Variants in ADORA2A observed in about 807,000 individuals in gnomAD.
ADORA2A encodes the protein adenosine A2a receptor.
A neutral mutation model predicts 18.4 loss-of-function variants in ADORA2A; 11 were observed. The observed-to-expected ratio is 0.60, with a 90% CI of 0.38 to 0.99. ADORA2A has a LOEUF of 0.99. ADORA2A is among the 50% of genes least tolerant of loss of function. ADORA2A has a pLI of 0.01. For synonymous variants in ADORA2A, 218 were observed against 237.3 expected, an observed-to-expected ratio of 0.92 and a Z score of 0.75; for missense variants, 449 against 556.1, an observed-to-expected ratio of 0.81 and a Z score of 1.94.
At chr22:24,435,720 G>A (rs550134996) in intron 2 of ADORA2A, among the ~76,000 whole-genome samples, 5 of 152,266 alleles carry the variant, frequency 3.3e-5, no homozygotes, top group South Asian at 2.1e-4. Context: ...GGTTGGAGGC[G>A]TGGGGAGGGT....
intron 2 of ADORA2A, among the ~76,000 whole-genome samples, chr22:24,439,071 C>CTTTT (rs868563988): frequency 6.4e-5 from 5 of 77,904 alleles, no homozygotes; most frequent in Admixed American, 3.0e-4. Flanking sequence ...TCCCCTTGCA[C>CTTTT]CTTTTTTTTT....
At chr22:24,429,543 C>T (rs2298383) in intron 1 of ADORA2A, 72,688 of 152,240 alleles carry the variant, frequency 0.48, 18,830 homozygotes, top group Non-Finnish European at 0.58. Flanking sequence ...GCCCCCTCCC[C>T]GGGGCCTCTG....
At position 24,429,958 on chromosome 22, in the gene ADORA2A, AGG is replaced by A. The variant is rs1308877224; in HGVS notation, c.-275+2215_-275+2216del. The A allele has an allele frequency of 2.6e-5, 4 of 152,310 alleles. No individual in the cohort carries two copies. The East Asian group carries it at 7.7e-4, about 29-fold the overall frequency. 9.4% of individuals were successfully genotyped at this position (152,310 alleles called of 1,614,324 possible). ...CATTAGTAGCTTGAAACTGGGCACA[AGG>A]GGAGAATTTACACCACAGAAATCAG... On this transcript the variant is annotated intron_variant, in intron 1 of 2. Transcript: ENST00000337539.
upstream of ADORA2A, among the ~76,000 whole-genome samples, chr22:24,427,143 G>A (rs1045931209): frequency 6.6e-6 from 1 of 152,162 alleles, no homozygotes; most frequent in East Asian, 1.9e-4. Flanking sequence ...CAGAGGCCCC[G>A]GGCTGGTCTG....
chr22:24,431,876 GAGCCAT>G (rs1306108162), intron 1 of ADORA2A, among the ~76,000 whole-genome samples: 3 of 152,176 alleles, frequency 2.0e-5, no homozygotes, highest in Non-Finnish European at 2.9e-5. Flanking sequence ...GACTCTGGGG[GAGCCAT>G]TTTAAATCTG....
At chr22:24,428,609 G>C (rs952420947) in intron 1 of ADORA2A, among the ~76,000 whole-genome samples, 2 of 152,172 alleles carry the variant, frequency 1.3e-5, no homozygotes, top group Non-Finnish European at 2.9e-5. Context: ...ATCATTATTA[G>C]ATTACTGTAT....
intron 2 of ADORA2A, among the ~76,000 whole-genome samples, chr22:24,437,881 T>C (rs1157181571): frequency 1.3e-5 from 2 of 152,244 alleles, no homozygotes; most frequent in Non-Finnish European, 2.9e-5. Context: ...TCCCCACCAA[T>C]TCACTGATTC....
Position 24,433,685 on chromosome 22 carries a change from G to A in ADORA2A, c.281G>A (p.Ser94Asn). 2 of 1,611,640 alleles carry A rather than the reference G, an allele frequency of 1.2e-6. No homozygotes were observed. The highest frequency in any genetic ancestry group is 1.7e-6 in the Non-Finnish European group (2 of 1,180,030). The change falls in exon 2 of 3, where the codon AGT (serine) becomes AAT (asparagine). Residue 94 changes from serine to asparagine, a missense_variant. Transcript: ENST00000337539. ...VLVLTQSSIF[S>N]LLAIAIDRYI... ...GTCCTCACGCAGAGCTCCATCTTCA[G>A]TCTCCTGGCCATCGCCATTGACCGC... is the stretch of plus-strand genomic sequence containing the variant.
At chr22:24,432,331 C>G (rs949713653) in intron 1 of ADORA2A, 1 of 153,042 alleles carries the variant, frequency 6.5e-6, no homozygotes, top group Non-Finnish European at 1.5e-5. Context: ...CCAGGGGTCT[C>G]TGGCTTGTCC....
At chr22:24,431,166 T>G (rs1049349309) in intron 1 of ADORA2A, 1 of 456,682 alleles carries the variant, frequency 2.2e-6, no homozygotes, top group Non-Finnish European at 4.4e-6. Flanking sequence ...TGTGAATGGC[T>G]GCCTGGCAAG....
chr22:24,431,167 G>A (rs1405395913), intron 1 of ADORA2A: 1 of 456,810 alleles, frequency 2.2e-6, no homozygotes, highest in Non-Finnish European at 4.4e-6. Context: ...GTGAATGGCT[G>A]CCTGGCAAGT....
At position 24,433,370 on chromosome 22, in the gene ADORA2A, C is replaced by A; in HGVS notation, c.-35C>A. ...CAATGGACCGTGAGCTGGCCCAGCCCGCGTCCGTGCTGAGCCTGCCTGTCG... is the reference window on the plus strand; with the variant it reads ...CAATGGACCGTGAGCTGGCCCAGCCAGCGTCCGTGCTGAGCCTGCCTGTCG... On this transcript the variant is annotated 5_prime_UTR_variant, in exon 2 of 3. Coordinates refer to ENST00000337539, the MANE Select transcript of ADORA2A (RefSeq NM_000675.6). 6.4e-7 allele frequency: 1 copy of A among 1,559,196 alleles called. No homozygotes were observed. The highest frequency in any genetic ancestry group is 1.2e-5 in the South Asian group (1 of 86,942).
intron 1 of ADORA2A, chr22:24,429,485 T>G (rs991255427): frequency 1.3e-5 from 2 of 152,252 alleles, no homozygotes; most frequent in African/African-American, 4.8e-5. Context: ...AGTAATTAGA[T>G]GCACAGAGCC....
In ADORA2A at chr22:24,433,381, T is replaced by C. The variant is rs1317453260; in HGVS notation, c.-24T>C. The C allele has an allele frequency of 1.3e-6, 2 of 1,590,042 alleles. No individual in the cohort carries two copies. Among genetic ancestry groups the C allele is most frequent in the Non-Finnish European group, 1.7e-6 (2 of 1,168,572 alleles). ...GAGCTGGCCCAGCCCGCGTCCGTGC[T>C]GAGCCTGCCTGTCGTCTGTGGCCAT... On this transcript the variant is annotated 5_prime_UTR_variant, in exon 2 of 3. Coordinates refer to ENST00000337539, the MANE Select transcript of ADORA2A (RefSeq NM_000675.6).
At chr22:24,427,068 A>G (rs1173856047), upstream of ADORA2A, among the ~76,000 whole-genome samples, 1 of 152,172 alleles carries the variant, frequency 6.6e-6, no homozygotes, top group Non-Finnish European at 1.5e-5. Context: ...GGAGCTGGCC[A>G]AGCAGAGGGA....
At chr22:24,427,301 G>A (rs1208246170), upstream of ADORA2A, among the ~76,000 whole-genome samples, 3 of 152,080 alleles carry the variant, frequency 2.0e-5, no homozygotes, top group Non-Finnish European at 4.4e-5. Flanking sequence ...GGGCTGCCTC[G>A]TCGCACCTGC....
intron 1 of ADORA2A, chr22:24,431,411 C>T (rs1483975279): frequency 2.2e-6 from 1 of 456,730 alleles, no homozygotes; most frequent in Non-Finnish European, 4.4e-6. Context: ...GAGGTGCCGA[C>T]AGCATTGGAG....
chr22:24,425,337 A>ACCCCCC (rs398036656), upstream of ADORA2A, among the ~76,000 whole-genome samples: 19 of 82,358 alleles, frequency 2.3e-4, no homozygotes, highest in East Asian at 6.7e-4. Flanking sequence ...TGTGGGCAGC[A>ACCCCCC]CCCCCCCCCC....
At chr22:24,423,906 G>A (rs1162620056), upstream of ADORA2A, 1 of 151,874 alleles carries the variant, frequency 6.6e-6, no homozygotes, top group Admixed American at 6.6e-5. Context: ...CGCGGCCGGA[G>A]CCGGAGACCC....
Sources: gnomAD v4.1 joint callset for allele counts (sites outside exome capture counted in the v4.1 genomes callset) on GRCh38, gnomAD v4.1.1 for gene constraint, MANE v1.5 for transcripts, NCBI Gene and HGNC (gene_info 2026-07-23, HGNC 2026-07-21) for gene names.